SDHA: variants seen among roughly 807,000 people sequenced by gnomAD.
SDHA encodes the protein succinate dehydrogenase [ubiquinone] flavoprotein subunit, mitochondrial.
A neutral mutation model predicts 78.4 loss-of-function variants in SDHA; 48 were observed. The observed-to-expected ratio is 0.61, with a 90% CI of 0.49 to 0.78. The LOEUF is 0.78. SDHA is among the 30% of genes least tolerant of loss of function. SDHA has a pLI of 0.00. For synonymous variants in SDHA, 326 were observed against 353.9 expected, an observed-to-expected ratio of 0.92 and a Z score of 0.88; for missense variants, 680 against 892.7, an observed-to-expected ratio of 0.76 and a Z score of 3.04.
At chr5:221,763 T>C in intron 1 of SDHA, among the ~76,000 whole-genome samples, 1 of 152,198 alleles carries the variant, frequency 6.6e-6, no homozygotes, top group African/African-American at 2.4e-5. Context: ...AGTTGGGCTT[T>C]CCAAATTCAA....
intron 5 of SDHA, among the ~76,000 whole-genome samples, chr5:226,642 G>A (rs1184795099): frequency 1.4e-5 from 2 of 146,048 alleles, no homozygotes; most frequent in African/African-American, 2.6e-5. Flanking sequence ...AAAAGAGAAA[G>A]AACAGGCTGG....
the SDHA span, among the ~76,000 whole-genome samples, chr5:266,530 T>A: frequency 5.9e-5 from 9 of 152,222 alleles, no homozygotes; most frequent in Non-Finnish European, 4.4e-5. Flanking sequence ...ATATGAGTCA[T>A]GGAACGATGT....
In SDHA at chr5:256,361, G is replaced by A. The variant is rs376986935; in HGVS notation, c.1936G>A (p.Asp646Asn). 27 of 1,613,696 alleles carry A rather than the reference G, an allele frequency of 1.7e-5. 1 individual carries two copies. The highest frequency in any genetic ancestry group is 1.1e-4 in the South Asian group (10 of 91,070). Reference sequence around the variant, plus strand: ...CACTCTGGAATATAGACCCGTGATCGACAAAACTTTGAACGAGGCTGACTG... The same window carrying A: ...CACTCTGGAATATAGACCCGTGATCAACAAAACTTTGAACGAGGCTGACTG... ...KVTLEYRPVI[D>N]KTLNEADCAT... The change falls in exon 15 of 15, where the codon GAC (aspartate) becomes AAC (asparagine). Residue 646 changes from aspartate (D) to asparagine (N), a missense_variant. Asp to Asn is a conservative substitution (Grantham distance 23). Transcript: ENST00000264932.
intron 11 of SDHA, among the ~76,000 whole-genome samples, chr5:247,462 A>T (rs950053678): frequency 3.3e-5 from 5 of 152,232 alleles, no homozygotes; most frequent in African/African-American, 9.7e-5. Context: ...CACTTTCACA[A>T]TTTAACCCGT....
intron 14 of SDHA, 79 bp from the exon 15 acceptor site, chr5:256,255 A>G: frequency 9.6e-7 from 1 of 1,046,964 alleles, no homozygotes; most frequent in South Asian, 1.3e-5. Context: ...TTTTATAGTT[A>G]AAATTTTTCA....
Position 254,384 on chromosome 5 carries a change from T to C in SDHA, c.1795-9T>C, listed in dbSNP as rs1389162333. 1 of 1,592,044 alleles carries C rather than the reference T, an allele frequency of 6.3e-7. No homozygotes were observed. The highest frequency in any genetic ancestry group is 1.1e-5 in the South Asian group (1 of 87,808). ...GTAATAAGAAACGTGATGGTGTTTC[T>C]GGCCTCAGGTGCGGATTGATGAGTA... On this transcript the variant is annotated splice_polypyrimidine_tract_variant and intron_variant, in intron 13 of 14. Transcript: ENST00000264932.
chr5:225,395 G>A, intron 3 of SDHA, 24 bp from the exon 4 acceptor site: 1 of 1,611,068 alleles, frequency 6.2e-7, no homozygotes, highest in Non-Finnish European at 8.5e-7. Flanking sequence ...TTTGTGGCTT[G>A]TAAGGAGTGG....
intron 6 of SDHA, 75 bp from the exon 7 acceptor site, chr5:230,801 C>T (rs2126567397): frequency 2.5e-6 from 4 of 1,589,246 alleles, no homozygotes; most frequent in Non-Finnish European, 3.5e-6. Context: ...CTGCCGTGTC[C>T]ATTCTGTGAT....
At chr5:251,671 G>T (rs1440883178) in intron 13 of SDHA, 1 of 1,508,276 alleles carries the variant, frequency 6.6e-7, no homozygotes, top group East Asian at 2.6e-5. Flanking sequence ...CTTTGGGTCG[G>T]CATCCACTGA....
rs376207983 is a variant in SDHA at position 223,486 on chromosome 5, C to T, written c.68C>T (p.Pro23Leu). ...ARRLALAKAW[P>L]TVLQTGTRGF... ...CTGTGTCTTCTGTGTCTCCAGTGGC[C>T]AACAGTGTTGCAAACAGGAACCCGA... The change falls in exon 2 of 15, where the codon CCA (proline) becomes CTA (leucine). Residue 23 changes from proline (P) to leucine (L), a missense_variant. Coordinates refer to ENST00000264932, the MANE Select transcript of SDHA (RefSeq NM_004168.4). 1 of 1,611,054 alleles carries T rather than the reference C, an allele frequency of 6.2e-7. No homozygotes were observed.
chr5:262,489 T>C, the SDHA span, among the ~76,000 whole-genome samples: 1 of 152,252 alleles, frequency 6.6e-6, no homozygotes, highest in African/African-American at 2.4e-5. Context: ...AGTGGAACCC[T>C]GTTGTGAACT....
At chr5:233,935 T>G (rs542561195) in intron 8 of SDHA, 11 of 416,148 alleles carry the variant, frequency 2.6e-5, no homozygotes, top group African/African-American at 2.2e-4. Context: ...GAAGTCGGCA[T>G]GTGAGCCTTG....
rs1409603646 is a variant in SDHA, at chr5:235,326, A to T, written c.1247A>T (p.Asn416Ile). The change falls in exon 9 of 15, where the codon AAC becomes ATC. Residue 416 changes from asparagine (N) to isoleucine (I), a missense_variant. By Grantham distance (149) the Asn-to-Ile change is moderately radical. Coordinates refer to ENST00000264932, the MANE Select transcript of SDHA (RefSeq NM_004168.4). Reference sequence around the variant, plus strand: ...TATAACATGGGCGGCATTCCCACCAACTACAAGGGGCAGGTGATGGTGCTG... The same window carrying T: ...TATAACATGGGCGGCATTCCCACCATCTACAAGGGGCAGGTGATGGTGCTG... Reference protein sequence around the residue: ...VHYNMGGIPTNYKGQVLRHVN... With the variant: ...VHYNMGGIPTIYKGQVLRHVN... The T allele has an allele frequency of 1.2e-6, 2 of 1,614,178 alleles. No homozygotes were observed. Among genetic ancestry groups the T allele is most frequent in the Non-Finnish European group, 1.7e-6 (2 of 1,180,018 alleles).
intron 7 of SDHA, 48 bp from the exon 8 acceptor site, chr5:233,429 T>G: frequency 6.3e-7 from 1 of 1,594,790 alleles, no homozygotes; most frequent in Middle Eastern, 1.7e-4. Flanking sequence ...GCATTTGAAA[T>G]AGAGATCTAG....
intron 13 of SDHA, among the ~76,000 whole-genome samples, chr5:252,332 A>G (rs1295411953): frequency 7.8e-6 from 1 of 127,640 alleles, no homozygotes; most frequent in Non-Finnish European, 1.5e-5. Flanking sequence ...CTGTGGAGGA[A>G]ATGCCCGTTT....
intron 1 of SDHA, among the ~76,000 whole-genome samples, chr5:222,133 G>A (rs931388221): frequency 2.6e-5 from 4 of 152,028 alleles, no homozygotes; most frequent in African/African-American, 9.7e-5. Flanking sequence ...TAAGGTAGAA[G>A]AATATTTGTT....
chr5:247,471 G>A (rs1381081013), intron 11 of SDHA, among the ~76,000 whole-genome samples: 4 of 152,180 alleles, frequency 2.6e-5, no homozygotes, highest in African/African-American at 4.8e-5. Context: ...AATTTAACCC[G>A]TGTTAATGCC....
At chr5:219,680 G>A (rs1579372757) in intron 1 of SDHA, among the ~76,000 whole-genome samples, 1 of 152,158 alleles carries the variant, frequency 6.6e-6, no homozygotes, top group South Asian at 2.1e-4. Flanking sequence ...CTAGGAGGGC[G>A]TCCACAAGCA....
At chr5:262,650 C>G in the SDHA span, among the ~76,000 whole-genome samples, 1 of 152,234 alleles carries the variant, frequency 6.6e-6, no homozygotes, top group Non-Finnish European at 1.5e-5. Context: ...CTGGTGCCAA[C>G]AAGGTTAGGG....
Sources: gnomAD v4.1 joint callset for allele counts (sites outside exome capture counted in the v4.1 genomes callset) on GRCh38, gnomAD v4.1.1 for gene constraint, MANE v1.5 for transcripts, NCBI Gene and HGNC (gene_info 2026-07-23, HGNC 2026-07-21) for gene names.